Variants in DAGLB observed in about 807,000 individuals in gnomAD.
DAGLB encodes diacylglycerol lipase-beta.
DAGLB carries 66 observed loss-of-function variants against 72.1 expected under a neutral mutation model. The observed-to-expected ratio is 0.92, with a 90% confidence interval of 0.75 to 1.12. The LOEUF (loss-of-function observed/expected upper bound fraction) is 1.12, where lower values mean the gene tolerates loss of function less well. Among genes scored for constraint, DAGLB ranks in the 50% most tolerant of loss-of-function variants. The pLI, the probability that DAGLB is intolerant of heterozygous loss-of-function variation, is 0.00. For synonymous variants in DAGLB, 414 were observed against 359.5 expected, an observed-to-expected ratio of 1.15 and a Z score of -1.71; for missense variants, 1,065 against 884.9, an observed-to-expected ratio of 1.20 and a Z score of -2.58.
intron 11 of DAGLB, among the ~76,000 whole-genome samples, chr7:6,414,152 A>G (rs1488392577): frequency 6.6e-6 from 1 of 151,876 alleles, no homozygotes; most frequent in Non-Finnish European, 1.5e-5. Context: ...CTGGGACTAC[A>G]GGCGCCCACC....
At chr7:6,446,786 A>G (rs1259960758) in intron 1 of DAGLB, among the ~76,000 whole-genome samples, 1 of 152,040 alleles carries the variant, frequency 6.6e-6, no homozygotes, top group Non-Finnish European at 1.5e-5. Context: ...AGGCAGGAGG[A>G]TCACTTGAGC....
At chr7:6,417,403 C>A (rs1360917873) in intron 9 of DAGLB, 1 of 153,926 alleles carries the variant, frequency 6.5e-6, no homozygotes, top group Non-Finnish European at 1.4e-5. Context: ...CAGAGTGAGA[C>A]CCTGTCTCAA....
At chr7:6,433,644 A>G (rs1784561996) in intron 4 of DAGLB, among the ~76,000 whole-genome samples, 1 of 152,188 alleles carries the variant, frequency 6.6e-6, no homozygotes, top group South Asian at 2.1e-4. Flanking sequence ...GTTCGAGACC[A>G]GCCTGGCCAA....
At chr7:6,421,922 T>A in intron 8 of DAGLB, 118 bp from the exon 9 acceptor site, 1 of 1,144,450 alleles carries the variant, frequency 8.7e-7, no homozygotes, top group Non-Finnish European at 1.3e-6. Flanking sequence ...CACCATCTCC[T>A]AGTTCGGTCC....
At chr7:6,424,403 C>G (rs1784234677) in intron 8 of DAGLB, among the ~76,000 whole-genome samples, 1 of 152,104 alleles carries the variant, frequency 6.6e-6, no homozygotes, top group African/African-American at 2.4e-5. Context: ...CTGCCGCCAT[C>G]TGGCTCTGGT....
chr7:6,422,421 G>C (rs1198672967), intron 8 of DAGLB: 1 of 187,336 alleles, frequency 5.3e-6, no homozygotes, highest in African/African-American at 2.3e-5. Flanking sequence ...CCACAGGCGA[G>C]TGCTGTGCTG....
chr7:6,418,188 CAT>C (rs1783980676), intron 9 of DAGLB, among the ~76,000 whole-genome samples: 1 of 151,234 alleles, frequency 6.6e-6, no homozygotes, highest in Non-Finnish European at 1.5e-5. Flanking sequence ...AATTTTCTAA[CAT>C]ATACATCTGT....
At chr7:6,428,611 C>T (rs1429557577) in intron 6 of DAGLB, among the ~76,000 whole-genome samples, 1 of 151,778 alleles carries the variant, frequency 6.6e-6, no homozygotes, top group African/African-American at 2.4e-5. Flanking sequence ...CTCAACCTCC[C>T]GAGTAGCTGT....
Position 6,416,645 on chromosome 7 carries a change from G to A in DAGLB, c.1409C>T (p.Pro470Leu). ...GGCTCACCTCCACAGCCCCCGGGGT[G>A]GGGAGAAGGCGTAGCACCTGACCTG... ...YPQVRCYAFS[P>L]PRGLWSKALQ... Residue 470 changes from proline to leucine, a missense_variant, in exon 11 of 15, where the codon CCA (proline) becomes CTA (leucine). Pro to Leu is a moderately conservative substitution (Grantham distance 98, BLOSUM62 -3). Transcript: ENST00000297056. The A allele has an allele frequency of 6.2e-7, 1 of 1,610,998 alleles. No individual in the cohort carries two copies. Among genetic ancestry groups the A allele is most frequent in the Non-Finnish European group, 8.5e-7 (1 of 1,178,226 alleles).
At chr7:6,432,704 A>T (rs950190701) in intron 5 of DAGLB, 133 bp downstream of exon 5, 72 of 463,494 alleles carry the variant, frequency 1.6e-4, no homozygotes, top group Non-Finnish European at 1.9e-4. Flanking sequence ...GAAGGGGAGG[A>T]GGGGGAGGGG....
intron 6 of DAGLB, among the ~76,000 whole-genome samples, chr7:6,430,250 C>CATAAATATATATATAT (rs1784439038): frequency 2.2e-5 from 1 of 45,738 alleles, no homozygotes; most frequent in African/African-American, 1.0e-4. Flanking sequence ...AATACATGTG[C>CATAAATATATATATAT]ATATATATAT....
intron 3 of DAGLB, chr7:6,435,509 T>TATGA (rs917090622): frequency 6.3e-6 from 1 of 159,996 alleles, no homozygotes; most frequent in African/African-American, 2.4e-5. Flanking sequence ...AAAAGTTCCT[T>TATGA]ATGAATCAGT....
Position 6,447,930 on chromosome 7 carries a change from A to T in DAGLB, c.-88T>A. 2.0e-6 allele frequency: 3 copies of T among 1,467,902 alleles called. No individual in the cohort carries two copies. The highest frequency in any genetic ancestry group is 2.7e-6 in the Non-Finnish European group (3 of 1,112,876). The allele number at this position is 1,467,902 out of a possible 1,614,324, so 90.9% of individuals were successfully genotyped here. The stretch of plus-strand genomic sequence containing the variant: ...AGCACCCTCCGGACGCCGCCACCAA[A>T]TTATCGGCGCTCAAGCGCAAACGCA... On this transcript the variant is annotated 5_prime_UTR_variant, in exon 1 of 15. Transcript: ENST00000297056.
intron 1 of DAGLB, 100 bp downstream of exon 1, chr7:6,447,648 A>T: frequency 6.8e-7 from 1 of 1,459,888 alleles, no homozygotes; most frequent in Non-Finnish European, 9.1e-7. Context: ...TGGGACCGCG[A>T]CAGTGCTTGG....
chr7:6,424,889 A>T, intron 7 of DAGLB, 54 bp from the exon 8 acceptor site: 1 of 1,583,412 alleles, frequency 6.3e-7, no homozygotes, highest in South Asian at 1.1e-5. Flanking sequence ...ACGCACCAGC[A>T]CGCAAAGTCG....
chr7:6,426,227 G>C (rs1046094676), intron 6 of DAGLB, 113 bp from the exon 7 acceptor site: 1 of 1,474,614 alleles, frequency 6.8e-7, no homozygotes, highest in Non-Finnish European at 9.2e-7. Context: ...ACAATTCTCA[G>C]GACTTAGCCT....
At chr7:6,418,052 G>T (rs1230994046) in intron 9 of DAGLB, among the ~76,000 whole-genome samples, 2 of 152,018 alleles carry the variant, frequency 1.3e-5, no homozygotes, top group Admixed American at 1.3e-4. Context: ...TGTATTTTTA[G>T]TAGAGACAGG....
intron 13 of DAGLB, among the ~76,000 whole-genome samples, chr7:6,412,076 G>T (rs1407366268): frequency 6.6e-6 from 1 of 151,942 alleles, no homozygotes; most frequent in Non-Finnish European, 1.5e-5. Flanking sequence ...CACCACCCCT[G>T]GCTCATTTTT....
At chr7:6,425,798 T>C (rs553688630) in intron 7 of DAGLB, among the ~76,000 whole-genome samples, 190 bp downstream of exon 7, 1 of 152,334 alleles carries the variant, frequency 6.6e-6, no homozygotes, top group South Asian at 2.1e-4. Flanking sequence ...AAACCTGGGT[T>C]CTGAACCTGC....
Sources: allele counts gnomAD v4.1 joint callset (sites outside exome capture counted in the v4.1 genomes callset), GRCh38; gene constraint gnomAD v4.1.1; transcripts MANE v1.5; gene names NCBI Gene and HGNC (gene_info 2026-07-23, HGNC 2026-07-21).